Variants in FBXL2 observed in about 807,000 individuals in gnomAD.
FBXL2 encodes the protein F-box and leucine rich repeat protein 2, also known as F-box/LRR-repeat protein 2.
FBXL2 carries 38 observed loss-of-function variants against 69.2 expected under a neutral mutation model. The observed-to-expected ratio is 0.55, with a 90% CI of 0.42 to 0.72. The LOEUF (loss-of-function observed/expected upper bound fraction) is 0.72, where lower values mean the gene tolerates loss of function less well. FBXL2 is among the 30% of genes least tolerant of loss of function. FBXL2 has a pLI of 0.00. For synonymous variants in FBXL2, 192 were observed against 201.3 expected (o/e 0.95, Z 0.39); for missense variants, 354 against 520.3 (o/e 0.68, Z 3.11).
chr3:33,390,334 C>T (rs41285089), downstream of FBXL2: 38,374 of 1,613,772 alleles, frequency 0.024, 556 homozygotes, highest in Non-Finnish European at 0.029. Flanking sequence ...TAAGACATCA[C>T]TTCAAAATTA....
intron 2 of FBXL2, among the ~76,000 whole-genome samples, chr3:33,340,931 A>G (rs898192732): frequency 1.3e-5 from 2 of 149,924 alleles, no homozygotes; most frequent in Non-Finnish European, 3.0e-5. Flanking sequence ...AAGAGGAAGT[A>G]TTTAAATTGC....
intron 4 of FBXL2, among the ~76,000 whole-genome samples, chr3:33,363,818 G>A (rs1349158359): frequency 6.6e-6 from 1 of 152,068 alleles, no homozygotes; most frequent in Non-Finnish European, 1.5e-5. Context: ...AAAAGTGGAA[G>A]TAAACCAGGT....
At chr3:33,295,786 A>C (rs917315089) in intron 1 of FBXL2, among the ~76,000 whole-genome samples, 2 of 152,174 alleles carry the variant, frequency 1.3e-5, no homozygotes, top group Non-Finnish European at 2.9e-5. Flanking sequence ...TATGGGTATG[A>C]TGCATCTCAC....
At chr3:33,410,980 T>C in the FBXL2 span, among the ~76,000 whole-genome samples, 1 of 150,334 alleles carries the variant, frequency 6.7e-6, no homozygotes, top group African/African-American at 2.5e-5. Context: ...GGCTGAGAGA[T>C]GAGAAGAGCT....
intron 12 of FBXL2, among the ~76,000 whole-genome samples, chr3:33,394,881 T>C (rs1385619136): frequency 6.6e-6 from 1 of 151,616 alleles, no homozygotes; most frequent in African/African-American, 2.4e-5. Context: ...ATTTACATAT[T>C]GTCTATGGCT....
At chr3:33,365,867 A>G (rs2041923276) in intron 5 of FBXL2, among the ~76,000 whole-genome samples, 1 of 152,030 alleles carries the variant, frequency 6.6e-6, no homozygotes, top group African/African-American at 2.4e-5. Context: ...ATTAGGATAT[A>G]CCCCCCATAA....
At chr3:33,402,868 T>G (rs780825951) in intron 12 of FBXL2, 1 of 1,610,614 alleles carries the variant, frequency 6.2e-7, no homozygotes, top group Non-Finnish European at 8.5e-7. Context: ...GGGCTGTTAT[T>G]CACATAGGCT....
chr3:33,297,649 T>C lies in FBXL2; in HGVS notation c.4-15T>C. The C allele has an allele frequency of 2.0e-6, 3 of 1,515,876 alleles. No homozygotes were observed. The highest frequency in any genetic ancestry group is 2.7e-6 in the Non-Finnish European group (3 of 1,111,374). 93.9% of individuals were successfully genotyped at this position (1,515,876 alleles called of 1,614,324 possible). On this transcript the variant is annotated splice_polypyrimidine_tract_variant and intron_variant, in intron 1 of 14. Transcript: ENST00000484457. ...AAGAACATTTTCACAATTTCCTTTT[T>C]TTTTTTCTTTCCAGGTTTTCTCAAA...
At chr3:33,280,188 A>T (rs992118263) in intron 1 of FBXL2, among the ~76,000 whole-genome samples, 1 of 152,190 alleles carries the variant, frequency 6.6e-6, no homozygotes, top group African/African-American at 2.4e-5. Flanking sequence ...ATTAATAAAG[A>T]CATGAATTAG....
chr3:33,299,745 A>G (rs1024257526), intron 2 of FBXL2, among the ~76,000 whole-genome samples: 1 of 152,214 alleles, frequency 6.6e-6, no homozygotes, highest in African/African-American at 2.4e-5. Flanking sequence ...TGTATGAAAA[A>G]TATCAATTAT....
intron 13 of FBXL2, among the ~76,000 whole-genome samples, chr3:33,379,499 C>T (rs955937659): frequency 5.3e-5 from 8 of 151,090 alleles, no homozygotes; most frequent in South Asian, 2.1e-4. Context: ...GGATTACAGG[C>T]GTGCACCACC....
At chr3:33,396,593 C>G (rs2044004899) in intron 12 of FBXL2, 1 of 397,940 alleles carries the variant, frequency 2.5e-6, no homozygotes, top group Non-Finnish European at 4.7e-6. Context: ...ATTCTCACAC[C>G]ACAAGTATAG....
intron 2 of FBXL2, among the ~76,000 whole-genome samples, chr3:33,354,384 G>A (rs1472491376): frequency 6.6e-6 from 1 of 151,854 alleles, no homozygotes; most frequent in Non-Finnish European, 1.5e-5. Flanking sequence ...TGTGGTGGTG[G>A]GCGCCTGTAA....
At chr3:33,389,177 T>C (rs541136109), downstream of FBXL2, 2 of 152,730 alleles carry the variant, frequency 1.3e-5, no homozygotes, top group South Asian at 4.1e-4. Context: ...GAGGCACTCT[T>C]ATAGAGAAAG....
chr3:33,287,895 G>A (rs1429610136), intron 1 of FBXL2, among the ~76,000 whole-genome samples: 1 of 152,142 alleles, frequency 6.6e-6, no homozygotes, highest in African/African-American at 2.4e-5. Flanking sequence ...TAAATTTTAT[G>A]ACAAGCTGTT....
intron 11 of FBXL2, 134 bp downstream of exon 11, chr3:33,377,467 G>A: frequency 1.2e-6 from 1 of 805,440 alleles, no homozygotes; most frequent in South Asian, 1.5e-5. Context: ...AACCCTTGGG[G>A]TGTGTACTGC....
chr3:33,282,014 G>A (rs1385041577), intron 1 of FBXL2, among the ~76,000 whole-genome samples: 2 of 152,122 alleles, frequency 1.3e-5, no homozygotes, highest in Admixed American at 1.3e-4. Flanking sequence ...CACTCTGATT[G>A]TAGTTTCTTT....
At chr3:33,390,011 G>A (rs963806305), downstream of FBXL2, 2 of 317,292 alleles carry the variant, frequency 6.3e-6, no homozygotes, top group South Asian at 9.6e-5. Flanking sequence ...CGCATACAGT[G>A]TAAAAAGACA....
intron 2 of FBXL2, among the ~76,000 whole-genome samples, chr3:33,309,162 A>G (rs1368445565): frequency 6.6e-6 from 1 of 152,214 alleles, no homozygotes; most frequent in African/African-American, 2.4e-5. Flanking sequence ...GCCATTGCTG[A>G]AAGTGGGATA....
Sources: allele counts gnomAD v4.1 joint callset (sites outside exome capture counted in the v4.1 genomes callset), GRCh38; gene constraint gnomAD v4.1.1; transcripts MANE v1.5; gene names NCBI Gene and HGNC (gene_info 2026-07-23, HGNC 2026-07-21).